TTC3: variants seen among roughly 807,000 people sequenced by gnomAD.
The protein encoded by TTC3 is E3 ubiquitin-protein ligase TTC3.
A neutral mutation model predicts 249.6 loss-of-function variants in TTC3; 180 were observed. The ratio of observed to expected loss-of-function variants is 0.72; its 90% CI spans 0.64 to 0.82. The LOEUF is 0.82. Among genes scored for constraint, TTC3 ranks in the 40% least tolerant of loss-of-function variants. The pLI is 0.00. For synonymous variants in TTC3, 717 were observed against 805.0 expected, an observed-to-expected ratio of 0.89 and a Z score of 1.85; for missense variants, 2,061 against 2,398.4, an observed-to-expected ratio of 0.86 and a Z score of 2.94.
intron 24 of TTC3, 47 bp downstream of exon 24, chr21:37,150,217 TACACC>T: frequency 7.5e-7 from 1 of 1,329,072 alleles, no homozygotes; most frequent in Non-Finnish European, 1.1e-6. Context: ...CCAAAATGTT[TACACC>T]TTTTGAAACA....
intron 6 of TTC3, chr21:37,090,532 TC>T: frequency 1.1e-6 from 1 of 929,970 alleles, no homozygotes; most frequent in Non-Finnish European, 1.3e-6. Flanking sequence ...TGATTCTTTT[TC>T]TCTTTTAGAT....
rs202224214 is a variant in TTC3 at position 37,180,397 on chromosome 21, CT to C, written c.4618-2368del. Among the ~76,000 whole-genome samples the C allele has an allele frequency of 6.0e-5, 9 of 150,492 alleles. 1 individual carries two copies. The highest frequency in any genetic ancestry group is 1.9e-4 in the East Asian group (1 of 5,146). On this transcript the variant is annotated intron_variant, in intron 35 of 45. Transcript: ENST00000355666. ...TTTTAAATATTTATGTATATATTAT[CT>C]TTTTTTTTACACCATGGAATACTAT... is the stretch of plus-strand genomic sequence containing the variant.
At chr21:37,152,600 A>G (rs1312159127) in intron 26 of TTC3, among the ~76,000 whole-genome samples, 1 of 151,892 alleles carries the variant, frequency 6.6e-6, no homozygotes, top group East Asian at 1.9e-4. Flanking sequence ...GTTAGCCAGG[A>G]TGGTCTCGAT....
At chr21:37,190,056 A>G (rs2083838059) in intron 39 of TTC3, among the ~76,000 whole-genome samples, 1 of 151,008 alleles carries the variant, frequency 6.6e-6, no homozygotes, top group Non-Finnish European at 1.5e-5. Context: ...TTTTGATTCA[A>G]ATTTCAAACC....
At chr21:37,102,149 A>G (rs895998114) in intron 10 of TTC3, among the ~76,000 whole-genome samples, 3 of 152,074 alleles carry the variant, frequency 2.0e-5, no homozygotes, top group South Asian at 2.1e-4. Flanking sequence ...TTAATTACAG[A>G]CACTTTTTAT....
intron 10 of TTC3, chr21:37,097,937 T>C: frequency 2.8e-6 from 2 of 713,250 alleles, no homozygotes; most frequent in East Asian, 5.4e-5. Flanking sequence ...TGGTAGAAAA[T>C]TTGGAAAATA....
intron 10 of TTC3, among the ~76,000 whole-genome samples, chr21:37,106,056 G>A (rs1301259813): frequency 6.6e-6 from 1 of 152,170 alleles, no homozygotes; most frequent in Non-Finnish European, 1.5e-5. Context: ...GAGAATTTCA[G>A]TTCTGTGCCC....
chr21:37,107,076 G>GTT (rs71198849), intron 10 of TTC3, among the ~76,000 whole-genome samples: 13 of 135,416 alleles, frequency 9.6e-5, no homozygotes, highest in African/African-American at 3.0e-4. Flanking sequence ...TATCTAGTTG[G>GTT]TTTTTTTTTT....
intron 13 of TTC3, among the ~76,000 whole-genome samples, chr21:37,123,980 C>G (rs1312903148): frequency 6.7e-6 from 1 of 149,216 alleles, no homozygotes; most frequent in Non-Finnish European, 1.5e-5. Context: ...AACTCCTGAC[C>G]TCAAGTGATC....
At chr21:37,086,950 A>G (rs2072570478) in intron 1 of TTC3, 2 of 289,460 alleles carry the variant, frequency 6.9e-6, no homozygotes, top group Admixed American at 4.7e-5. Flanking sequence ...ACAAAGATAA[A>G]TAAGATGCCC....
chr21:37,107,071 A>C (rs1601468351), intron 10 of TTC3, among the ~76,000 whole-genome samples: 1 of 128,342 alleles, frequency 7.8e-6, no homozygotes, highest in Non-Finnish European at 1.7e-5. Context: ...ATCCTTATCT[A>C]GTTGGTTTTT....
intron 10 of TTC3, among the ~76,000 whole-genome samples, chr21:37,097,162 T>C (rs2074023475): frequency 6.6e-6 from 1 of 152,202 alleles, no homozygotes; most frequent in African/African-American, 2.4e-5. Flanking sequence ...TTTAATATTA[T>C]GAGAGTGGAG....
intron 35 of TTC3, among the ~76,000 whole-genome samples, chr21:37,178,776 A>G (rs2082486442): frequency 6.6e-6 from 1 of 152,124 alleles, no homozygotes; most frequent in African/African-American, 2.4e-5. Context: ...CCTGGGCAAC[A>G]TGGCAAAATC....
chr21:37,113,478 G>A (rs1269243143), intron 11 of TTC3, among the ~76,000 whole-genome samples: 1 of 152,146 alleles, frequency 6.6e-6, no homozygotes, highest in Non-Finnish European at 1.5e-5. Context: ...CAACTTACAA[G>A]GGATGTGAAG....
intron 27 of TTC3, among the ~76,000 whole-genome samples, chr21:37,155,776 G>T (rs2079998827): frequency 6.6e-6 from 1 of 152,182 alleles, no homozygotes; most frequent in African/African-American, 2.4e-5. Flanking sequence ...TTCTAATTTG[G>T]AGAGTGGAGA....
At chr21:37,182,566 G>T (rs2082853196) in intron 35 of TTC3, among the ~76,000 whole-genome samples, 1 of 152,198 alleles carries the variant, frequency 6.6e-6, no homozygotes, top group South Asian at 2.1e-4. Context: ...GGTACACGTA[G>T]CGGGTAGGAT....
intron 18 of TTC3, 142 bp downstream of exon 18, chr21:37,135,656 G>A (rs1159936690): frequency 2.1e-6 from 2 of 940,216 alleles, no homozygotes; most frequent in Admixed American, 3.0e-5. Flanking sequence ...GTTATGGGAA[G>A]CAGGTACTGC....
At chr21:37,164,758 A>C (rs1407597151) in intron 32 of TTC3, among the ~76,000 whole-genome samples, 1 of 152,218 alleles carries the variant, frequency 6.6e-6, no homozygotes, top group African/African-American at 2.4e-5. Flanking sequence ...AAAATCTCAG[A>C]TAGCTTACCA....
At chr21:37,164,293 G>T in intron 32 of TTC3, 78 bp downstream of exon 32, 2 of 1,317,684 alleles carry the variant, frequency 1.5e-6, no homozygotes, top group Non-Finnish European at 1.0e-6. Context: ...TTTAATTTGT[G>T]CCTGTTTTTA....
Sources: gnomAD v4.1 joint callset for allele counts (sites outside exome capture counted in the v4.1 genomes callset) on GRCh38, gnomAD v4.1.1 for gene constraint, MANE v1.5 for transcripts, NCBI Gene and HGNC (gene_info 2026-07-23, HGNC 2026-07-21) for gene names.